The following CCDC178 variants were observed in gnomAD, a reference collection of about 807,000 sequenced individuals.
CCDC178 encodes coiled-coil domain containing 178.
CCDC178 carries 126 observed loss-of-function variants against 117.4 expected under a neutral mutation model. The ratio of observed to expected loss-of-function variants is 1.07; its 90% CI spans 0.93 to 1.24. The LOEUF is 1.24. CCDC178 is among the 50% of genes most tolerant of loss of function. CCDC178 has a pLI of 0.00. For missense variants in CCDC178, 1,030 were observed against 986.9 expected, an observed-to-expected ratio of 1.04 and a Z score of -0.59; for synonymous variants, 283 against 313.4, an observed-to-expected ratio of 0.90 and a Z score of 1.02.
intron 21 of CCDC178, among the ~76,000 whole-genome samples, chr18:32,976,226 A>T (rs1405520305): frequency 1.3e-5 from 2 of 152,148 alleles, no homozygotes; most frequent in Non-Finnish European, 1.5e-5. Flanking sequence ...CTTAAAAAAA[A>T]TTGTGTTTTC....
chr18:33,144,894 A>T (rs1339548240), intron 20 of CCDC178, among the ~76,000 whole-genome samples: 1 of 152,166 alleles, frequency 6.6e-6, no homozygotes, highest in Non-Finnish European at 1.5e-5. Context: ...ATTGACCAAG[A>T]TCACCATTTT....
intron 5 of CCDC178, among the ~76,000 whole-genome samples, chr18:33,386,230 A>C (rs1410900932): frequency 6.6e-6 from 1 of 152,198 alleles, no homozygotes; most frequent in Non-Finnish European, 1.5e-5. Flanking sequence ...ACCAACTAAA[A>C]AAAGGCCCAG....
intron 21 of CCDC178, among the ~76,000 whole-genome samples, chr18:33,038,277 G>T (rs908480481): frequency 6.6e-6 from 1 of 151,734 alleles, no homozygotes; most frequent in Non-Finnish European, 1.5e-5. Flanking sequence ...CAAGATATTT[G>T]GTATATCTCA....
chr18:33,314,051 A>G (rs1042374982), intron 11 of CCDC178, among the ~76,000 whole-genome samples: 20 of 150,220 alleles, frequency 1.3e-4, no homozygotes, highest in African/African-American at 4.9e-4. Flanking sequence ...ATACAAAAAA[A>G]TTAGCCGGGC....
At chr18:33,433,509 C>G (rs1006248151) in intron 2 of CCDC178, among the ~76,000 whole-genome samples, 6 of 152,094 alleles carry the variant, frequency 3.9e-5, no homozygotes, top group African/African-American at 1.4e-4. Flanking sequence ...CCCAACCCAT[C>G]ACCACTAGTC....
At chr18:33,013,020 A>G (rs1568217145) in intron 21 of CCDC178, among the ~76,000 whole-genome samples, 1 of 152,206 alleles carries the variant, frequency 6.6e-6, no homozygotes, top group Non-Finnish European at 1.5e-5. Context: ...ATGGAGGGAA[A>G]TTTGGCATAA....
chr18:33,318,087 C>T (rs1053628655), intron 11 of CCDC178, among the ~76,000 whole-genome samples: 4 of 152,148 alleles, frequency 2.6e-5, no homozygotes, highest in African/African-American at 9.7e-5. Flanking sequence ...AATATTCCCT[C>T]CCCTTGCTTT....
At chr18:33,206,475 A>G (rs1041959856) in intron 20 of CCDC178, among the ~76,000 whole-genome samples, 2 of 152,106 alleles carry the variant, frequency 1.3e-5, no homozygotes, top group African/African-American at 2.4e-5. Context: ...ATCAAGGCTA[A>G]TCAAGTAAAA....
chr18:33,423,381 T>C lies in CCDC178; in HGVS notation c.-22-11271A>G, dbSNP rs947506898. On this transcript the variant is annotated intron_variant, in intron 2 of 22. Coordinates refer to ENST00000383096, the MANE Select transcript of CCDC178 (RefSeq NM_001105528.4). ...TAGTATACTGTAAAAAAATTCGACA[T>C]AATATTTTCCTATTTAGGGCACGTT... Among the ~76,000 whole-genome samples, 26 of 152,316 alleles carry C rather than the reference T, an allele frequency of 1.7e-4. 2 individuals are homozygous for C. The South Asian group carries it at 3.9e-3, about 23-fold the overall frequency.
chr18:33,339,451 T>C (rs1387051820), intron 9 of CCDC178, among the ~76,000 whole-genome samples: 2 of 151,196 alleles, frequency 1.3e-5, no homozygotes, highest in Non-Finnish European at 2.9e-5. Flanking sequence ...GAGAATTTCA[T>C]GAAAACATTT....
intron 22 of CCDC178, among the ~76,000 whole-genome samples, chr18:32,949,090 T>C (rs1568174409): frequency 2.6e-5 from 4 of 152,130 alleles, no homozygotes; most frequent in African/African-American, 9.6e-5. Context: ...ATTTGCATTG[T>C]TACTTATGAG....
At chr18:33,432,190 G>A (rs1164237132) in intron 2 of CCDC178, among the ~76,000 whole-genome samples, 1 of 152,124 alleles carries the variant, frequency 6.6e-6, no homozygotes, top group African/African-American at 2.4e-5. Flanking sequence ...GGTATGGGGA[G>A]GCGGATGCAA....
At chr18:33,272,331 C>A (rs1381722858) in intron 12 of CCDC178, among the ~76,000 whole-genome samples, 1 of 151,094 alleles carries the variant, frequency 6.6e-6, no homozygotes, top group Non-Finnish European at 1.5e-5. Flanking sequence ...AAAAATACAC[C>A]ACCTAACAAA....
chr18:33,303,422 A>T (rs917320829), intron 11 of CCDC178, among the ~76,000 whole-genome samples: 1 of 152,146 alleles, frequency 6.6e-6, no homozygotes, highest in Non-Finnish European at 1.5e-5. Flanking sequence ...TTGTGTACAC[A>T]TGTCTTTATA....
chr18:33,290,914 A>G (rs2060158806), intron 12 of CCDC178, among the ~76,000 whole-genome samples: 1 of 152,146 alleles, frequency 6.6e-6, no homozygotes, highest in Non-Finnish European at 1.5e-5. Context: ...AAGTAACTGG[A>G]AACTCACTTC....
intron 20 of CCDC178, among the ~76,000 whole-genome samples, chr18:33,110,624 T>C (rs1266048927): frequency 6.6e-6 from 1 of 151,624 alleles, no homozygotes; most frequent in Non-Finnish European, 1.5e-5. Context: ...AGATATCCAA[T>C]TGATCATGTA....
chr18:33,432,176 G>T (rs745717068), intron 2 of CCDC178, among the ~76,000 whole-genome samples: 2 of 152,182 alleles, frequency 1.3e-5, no homozygotes, highest in African/African-American at 2.4e-5. Flanking sequence ...GGAGGGTTTG[G>T]TTGGGTATGG....
chr18:33,418,698 A>C (rs2063982141), intron 2 of CCDC178, among the ~76,000 whole-genome samples: 1 of 152,122 alleles, frequency 6.6e-6, no homozygotes, highest in African/African-American at 2.4e-5. Flanking sequence ...TACACCAACA[A>C]CACCCCAGCT....
intron 22 of CCDC178, among the ~76,000 whole-genome samples, chr18:32,966,230 T>C (rs533408133): frequency 6.6e-6 from 1 of 151,976 alleles, no homozygotes; most frequent in South Asian, 2.1e-4. Context: ...GAAATCCTAC[T>C]CTCACTATAT....
Sources: gnomAD v4.1 joint callset for allele counts (sites outside exome capture counted in the v4.1 genomes callset) on GRCh38, gnomAD v4.1.1 for gene constraint, MANE v1.5 for transcripts, NCBI Gene and HGNC (gene_info 2026-07-23, HGNC 2026-07-21) for gene names.